ARHGEF6: variants seen among roughly 807,000 people sequenced by gnomAD.
ARHGEF6 encodes rho guanine nucleotide exchange factor 6.
A neutral mutation model predicts 70.3 loss-of-function variants in ARHGEF6; 9 were observed. That is an observed-to-expected ratio of 0.13 (90% CI 0.08 to 0.22). The LOEUF is 0.22. Ranked by LOEUF, ARHGEF6 falls within the 10% of genes least tolerant of loss-of-function variation. The pLI, the probability that ARHGEF6 is intolerant of heterozygous loss-of-function variation, is 1.00. For missense variants in ARHGEF6, 470 were observed against 563.0 expected (o/e 0.83, Z 1.67); for synonymous variants, 201 against 207.8 (o/e 0.97, Z 0.28).
At chrX:136,761,993 C>T (rs777744355) in intron 2 of ARHGEF6, among the ~76,000 whole-genome samples, 12 of 111,221 alleles carry the variant, frequency 1.1e-4, no homozygotes, top group Middle Eastern at 4.6e-3. Context: ...CAGCTCACTG[C>T]AACCTCCGCC....
At chrX:136,726,177 A>C (rs1435719728) in intron 6 of ARHGEF6, among the ~76,000 whole-genome samples, 1 of 111,895 alleles carries the variant, frequency 8.9e-6, no homozygotes, top group African/African-American at 3.3e-5. Context: ...CTTTGAGAAC[A>C]AAAAGGGCAA....
chrX:136,708,701 G>C lies in ARHGEF6; in HGVS notation c.897C>G (p.Leu299=), dbSNP rs771836340. ...FEEVCTFQQT[L]CQALEECSKF... is the part of the protein sequence containing the mutation. ...TTGAACATTCTTCCAAGGCTTGGCA[G>C]AGTGTCTGTTGAAATGTGCATACTT... Residue 299 remains leucine, a synonymous_variant, in exon 8 of 22, where the codon CTC becomes CTG. Transcript: ENST00000250617. 1 of 1,206,294 alleles carries C rather than the reference G, an allele frequency of 8.3e-7. No individual in the cohort carries two copies. Among genetic ancestry groups the C allele is most frequent in the Non-Finnish European group, 1.1e-6 (1 of 891,346 alleles).
chrX:136,711,553 T>C (rs1569404387), intron 7 of ARHGEF6, among the ~76,000 whole-genome samples: 1 of 111,751 alleles, frequency 8.9e-6, no homozygotes, highest in African/African-American at 3.3e-5. Context: ...AATACTTTGT[T>C]TTTTGTTTTG....
intron 2 of ARHGEF6, among the ~76,000 whole-genome samples, chrX:136,752,604 T>A (rs1028697191): frequency 8.0e-5 from 9 of 112,120 alleles, no homozygotes; most frequent in Admixed American, 2.8e-4. Context: ...TGGTCATCTT[T>A]AATGTCATGT....
At chrX:136,711,884 A>C (rs1460503352) in intron 7 of ARHGEF6, among the ~76,000 whole-genome samples, 2 of 112,012 alleles carry the variant, frequency 1.8e-5, no homozygotes, top group Non-Finnish European at 3.8e-5. Flanking sequence ...GGCCCAAAAA[A>C]CACTTTGTTG....
chrX:136,746,854 A>G (rs2077099558), intron 3 of ARHGEF6, among the ~76,000 whole-genome samples: 1 of 111,587 alleles, frequency 9.0e-6, no homozygotes, highest in Non-Finnish European at 1.9e-5. Context: ...GGCTCTTATG[A>G]CAGCCTAGAT....
chrX:136,708,824 A>G (rs769023730), intron 7 of ARHGEF6, 54 bp from the exon 8 acceptor site: 1 of 938,079 alleles, frequency 1.1e-6, no homozygotes, highest in South Asian at 2.0e-5. Flanking sequence ...GTTGGCTAAT[A>G]GTTTGCTAAT....
rs775771073 is a variant in ARHGEF6 at position 136,672,017 on chromosome X, C to T, written c.2135+3G>A. 1.7e-5 allele frequency: 20 copies of T among 1,201,663 alleles called. No homozygotes were observed. The highest frequency in any genetic ancestry group is 1.1e-4 in the Admixed American group (5 of 45,810). ...TAGGCAAGGTTTTGCCTGCTCTACTCACTTTTCTTCCATGATGGTCTGGCC... is the reference window on the plus strand; with the variant it reads ...TAGGCAAGGTTTTGCCTGCTCTACTTACTTTTCTTCCATGATGGTCTGGCC... On this transcript the variant is annotated splice_donor_region_variant and intron_variant, in intron 20 of 21. Coordinates refer to ENST00000250617, the MANE Select transcript of ARHGEF6 (RefSeq NM_004840.3).
intron 9 of ARHGEF6, among the ~76,000 whole-genome samples, chrX:136,691,813 A>G (rs191824496): frequency 9.0e-6 from 1 of 110,709 alleles, no homozygotes; most frequent in African/African-American, 3.3e-5. Flanking sequence ...CTGCTTTCCT[A>G]CCCAAGAGGC....
intron 11 of ARHGEF6, among the ~76,000 whole-genome samples, chrX:136,686,852 A>G (rs2076408978): frequency 9.6e-6 from 1 of 104,449 alleles, no homozygotes; most frequent in African/African-American, 3.5e-5. Flanking sequence ...AATGAATGTA[A>G]GATAATATTT....
chrX:136,738,539 T>C (rs2077010466), intron 5 of ARHGEF6, among the ~76,000 whole-genome samples: 1 of 112,612 alleles, frequency 8.9e-6, no homozygotes, highest in African/African-American at 3.2e-5. Context: ...TCTCTTCTCC[T>C]CCCACCTCTC....
intron 9 of ARHGEF6, among the ~76,000 whole-genome samples, chrX:136,696,604 C>A (rs2076514536): frequency 9.1e-6 from 1 of 110,049 alleles, no homozygotes; most frequent in African/African-American, 3.3e-5. Flanking sequence ...GGTGACAGAG[C>A]AAGACCTTGT....
rs929483765 is a variant in ARHGEF6, at chrX:136,688,735, C to T, written c.1186-744G>A. On this transcript the variant is annotated intron_variant, in intron 10 of 21. Coordinates refer to ENST00000250617, the MANE Select transcript of ARHGEF6 (RefSeq NM_004840.3). Reference sequence around the variant, plus strand: ...TCTAATTCCATTTCCTAAAATGCCTCCATTTTCTTTCAGCAGTGTGAACAT... The same window carrying T: ...TCTAATTCCATTTCCTAAAATGCCTTCATTTTCTTTCAGCAGTGTGAACAT... Among the ~76,000 whole-genome samples the T allele has an allele frequency of 3.6e-5, 4 of 112,285 alleles. No homozygotes were observed. The East Asian group carries it at 1.1e-3, about 31-fold the overall frequency.
rs1472441650 is a variant in ARHGEF6, at chrX:136,779,422, G to T, written c.241C>A (p.Gln81Lys). 2 of 1,210,174 alleles carry T rather than the reference G, an allele frequency of 1.7e-6. No homozygotes were observed. Among genetic ancestry groups the T allele is most frequent in the East Asian group, 5.9e-5 (2 of 33,831 alleles). The part of the protein sequence containing the change: ...NDFLKGCATL[Q>K]VEIFDPDDLY... ...ACCCGGGGTAGGCTTACTTCCACTT[G>T]GAGGGTTGCACATCCTTTCAGGAAG... is the stretch of plus-strand genomic sequence containing the variant. Residue 81 changes from glutamine (Q) to lysine (K), a missense_variant, in exon 2 of 22, where the codon CAA becomes AAA. Coordinates refer to ENST00000250617, the MANE Select transcript of ARHGEF6 (RefSeq NM_004840.3).
chrX:136,710,330 C>CATATATATATATATATATAT (rs59532724), intron 7 of ARHGEF6, among the ~76,000 whole-genome samples: 2 of 87,556 alleles, frequency 2.3e-5, no homozygotes, highest in East Asian at 3.9e-4. Context: ...ATATATTATA[C>CATATATATATATATATATAT]ATATATATAT....
chrX:136,761,918 T>A (rs938574759), intron 2 of ARHGEF6, among the ~76,000 whole-genome samples: 1 of 111,611 alleles, frequency 9.0e-6, no homozygotes, highest in Non-Finnish European at 1.9e-5. Context: ...TTTTCTTTTT[T>A]TTTTTGAAAC....
intron 11 of ARHGEF6, 149 bp downstream of exon 11, chrX:136,687,783 A>T: frequency 3.6e-6 from 2 of 552,979 alleles, no homozygotes; most frequent in South Asian, 5.4e-5. Flanking sequence ...GGAGGACAAA[A>T]TTAAGTGAAA....
chrX:136,769,152 C>G (rs1384920730), intron 2 of ARHGEF6, among the ~76,000 whole-genome samples: 1 of 111,795 alleles, frequency 8.9e-6, no homozygotes, highest in Admixed American at 9.5e-5. Context: ...TGGCTCCTGC[C>G]TATAATCCCA....
intron 6 of ARHGEF6, among the ~76,000 whole-genome samples, chrX:136,714,474 C>G (rs1471854298): frequency 8.9e-6 from 1 of 112,372 alleles, no homozygotes; most frequent in Non-Finnish European, 1.9e-5. Context: ...TTCATATATT[C>G]TAATTCATTC....
Sources: allele counts gnomAD v4.1 joint callset (sites outside exome capture counted in the v4.1 genomes callset), GRCh38; gene constraint gnomAD v4.1.1; transcripts MANE v1.5; gene names NCBI Gene and HGNC (gene_info 2026-07-23, HGNC 2026-07-21).